Variants in RFLNA observed in about 807,000 individuals in gnomAD.
The protein encoded by RFLNA is refilin-A.
A neutral mutation model predicts 7.8 loss-of-function variants in RFLNA; 5 were observed. The observed-to-expected ratio is 0.64, with a 90% CI of 0.34 to 1.35. RFLNA has a LOEUF of 1.35. Ranked by LOEUF, RFLNA falls within the 40% of genes most tolerant of loss-of-function variation. The pLI is 0.04. For missense variants in RFLNA, 278 were observed against 305.5 expected, an observed-to-expected ratio of 0.91 and a Z score of 0.67; for synonymous variants, 141 against 131.3, an observed-to-expected ratio of 1.07 and a Z score of -0.50.
chr12:124,314,810 C>A lies in RFLNA; in HGVS notation c.*285C>A. ...GCATGCACTGTTAGGTGGTGGCCAC[C>A]CCCAGGGTCAGGGGAAAAGAATGGG... On this transcript the variant is annotated 3_prime_UTR_variant, in exon 3 of 3. Coordinates refer to ENST00000546355, the MANE Select transcript of RFLNA (RefSeq NM_001365156.1). 1 of 632,336 alleles carries A rather than the reference C, an allele frequency of 1.6e-6. No individual in the cohort carries two copies. The highest frequency in any genetic ancestry group is 2.9e-6 in the Non-Finnish European group (1 of 340,654). The allele number at this position is 632,336 out of a possible 1,614,324, so 39.2% of individuals were successfully genotyped here.
chr12:124,315,959 T>A lies in RFLNA; in HGVS notation c.*1434T>A, dbSNP rs1216251612. On this transcript the variant is annotated 3_prime_UTR_variant, in exon 3 of 3. Transcript: ENST00000546355. The stretch of plus-strand genomic sequence containing the variant: ...GAGTGCATTTTCTCTCCAGAGATGC[T>A]GTCTGGTTAACAAAGGAATAACTTA... 6.6e-6 allele frequency: 1 copy of A among 152,274 alleles called. No individual in the cohort carries two copies. Among genetic ancestry groups the A allele is most frequent in the Non-Finnish European group, 1.5e-5 (1 of 68,042 alleles). 9.4% of individuals were successfully genotyped at this position (152,274 alleles called of 1,614,324 possible).
chr12:124,301,515 G>A (rs1422641914), intron 1 of RFLNA, among the ~76,000 whole-genome samples: 1 of 152,142 alleles, frequency 6.6e-6, no homozygotes, highest in African/African-American at 2.4e-5. Flanking sequence ...TGCGGGGCAC[G>A]GTACATGGAC....
chr12:124,290,796 A>G (rs2033813029), upstream of RFLNA, among the ~76,000 whole-genome samples: 1 of 152,148 alleles, frequency 6.6e-6, no homozygotes, highest in Non-Finnish European at 1.5e-5. This position sits in a 1 kb window ranked among gnomAD's most constrained non-coding sequence, Gnocchi z 4.0. Flanking sequence ...CTTATATTTA[A>G]TCTTCATTCA....
chr12:124,291,883 T>G (rs934385330), upstream of RFLNA, among the ~76,000 whole-genome samples: 34 of 152,270 alleles, frequency 2.2e-4, no homozygotes, highest in Middle Eastern at 3.4e-3. Context: ...CCCCAACATG[T>G]GCTCTGAAAA....
chr12:124,292,533 G>C (rs1349979862), upstream of RFLNA, among the ~76,000 whole-genome samples: 2 of 152,226 alleles, frequency 1.3e-5, no homozygotes, highest in Non-Finnish European at 2.9e-5. Flanking sequence ...TCAATTGAGG[G>C]GCGGTCCCCA....
At chr12:124,310,984 C>T (rs1226146023) in intron 1 of RFLNA, among the ~76,000 whole-genome samples, 3 of 152,156 alleles carry the variant, frequency 2.0e-5, no homozygotes, top group East Asian at 1.9e-4. Flanking sequence ...AGGTGTGGCT[C>T]GATCCAGGCA....
intron 2 of RFLNA, among the ~76,000 whole-genome samples, chr12:124,313,444 C>A (rs1446194482): frequency 6.6e-6 from 1 of 152,068 alleles, no homozygotes; most frequent in Non-Finnish European, 1.5e-5. Flanking sequence ...TTTGGGAGGC[C>A]GAGGCGGGCG....
intron 2 of RFLNA, 37 bp downstream of exon 2, chr12:124,311,964 GTGGGGGGT>G: frequency 6.7e-7 from 1 of 1,492,874 alleles, no homozygotes; most frequent in South Asian, 1.3e-5. Flanking sequence ...GGAGGAGGGG[GTGGGGGGT>G]TGGGTGCTGG....
chr12:124,310,493 GGGAGGGGGAGGT>G (rs2034223395), intron 1 of RFLNA, among the ~76,000 whole-genome samples: 1 of 6,310 alleles, frequency 1.6e-4, no homozygotes, highest in Non-Finnish European at 3.1e-4. Context: ...CTGAGCTGTG[GGGAGGGGGAGGT>G]GGACTGCAGG....
In RFLNA at chr12:124,309,655, C is replaced by T. The variant is rs1408180496; in HGVS notation, c.208-2163C>T. On this transcript the variant is annotated intron_variant, in intron 1 of 2. Transcript: ENST00000546355. ...CACCTCCCTGAGCCCTTGGAGCGGG[C>T]ACGTGTAGTTCCAGCAGAGGCCCTA... 2.0e-5 allele frequency among the ~76,000 whole-genome samples: 3 copies of T among 152,352 alleles called. No individual in the cohort carries two copies. The East Asian group carries it at 5.8e-4, about 29-fold the overall frequency.
upstream of RFLNA, among the ~76,000 whole-genome samples, chr12:124,291,247 C>CT (rs2135665930): frequency 6.6e-6 from 1 of 152,188 alleles, no homozygotes; most frequent in African/African-American, 2.4e-5. Context: ...TATGATTTAT[C>CT]TTTTATTTTA....
chr12:124,311,716 G>T, intron 1 of RFLNA, 102 bp from the exon 2 acceptor site: 1 of 1,154,580 alleles, frequency 8.7e-7, no homozygotes, highest in African/African-American at 1.6e-5. Context: ...TCCAGACCAA[G>T]CCAGGGCCAG....
rs1464255085 is a variant in RFLNA at position 124,315,996 on chromosome 12, G to C, written c.*1471G>C. 3 of 152,218 alleles carry C rather than the reference G, an allele frequency of 2.0e-5. No individual in the cohort carries two copies. The highest frequency in any genetic ancestry group is 3.9e-4 in the East Asian group (2 of 5,192). The allele number at this position is 152,218 out of a possible 1,614,324, so 9.4% of individuals were successfully genotyped here. A position where few individuals can be genotyped will look rare whatever the true frequency, so the allele number is the denominator to read the frequency against. On this transcript the variant is annotated 3_prime_UTR_variant, in exon 3 of 3. Coordinates refer to ENST00000546355, the MANE Select transcript of RFLNA (RefSeq NM_001365156.1). ...AAAGGAATAACTTAAGAAATTGATT[G>C]ATTATCTTAATAAACTGTGCAAACC...
intron 1 of RFLNA, among the ~76,000 whole-genome samples, chr12:124,296,143 TCTC>T (rs1179296966): frequency 2.7e-4 from 1 of 3,770 alleles, no homozygotes; most frequent in African/African-American, 4.2e-4. Context: ...TCTCTCTTCT[TCTC>T]TTCTCTTCTC....
chr12:124,302,341 C>T (rs76893031), intron 1 of RFLNA, among the ~76,000 whole-genome samples: 1 of 152,184 alleles, frequency 6.6e-6, no homozygotes, highest in African/African-American at 2.4e-5. Context: ...CGAGCTGCGA[C>T]GTTCGAGTTT....
Position 124,314,952 on chromosome 12 carries a change from C to A in RFLNA, c.*427C>A. The A allele has an allele frequency of 8.6e-6, 3 of 348,860 alleles. No individual in the cohort carries two copies. The highest frequency in any genetic ancestry group is 1.7e-5 in the Non-Finnish European group (3 of 177,624). The allele number at this position is 348,860 out of a possible 1,614,324, so 21.6% of individuals were successfully genotyped here. A position where few individuals can be genotyped will look rare whatever the true frequency, so the allele number is the denominator to read the frequency against. On this transcript the variant is annotated 3_prime_UTR_variant, in exon 3 of 3. Transcript: ENST00000546355. ...CCCAGAGCCCTGCCACCCCATGTGT[C>A]CTAGGCTGGTGGCCAAGGCCATGTG... is the stretch of plus-strand genomic sequence containing the variant.
chr12:124,294,267 T>C (rs1534389), upstream of RFLNA, among the ~76,000 whole-genome samples: 149,350 of 152,230 alleles, frequency 0.98, 73,331 homozygotes, highest in Middle Eastern at 1. Flanking sequence ...TCTACCTCTG[T>C]TCTCTTCGCC....
At chr12:124,298,956 T>C (rs189708423) in intron 1 of RFLNA, among the ~76,000 whole-genome samples, 62 of 152,338 alleles carry the variant, frequency 4.1e-4, no homozygotes, top group African/African-American at 1.4e-3. Flanking sequence ...CTTATGCATG[T>C]AACCAAATGC....
intron 1 of RFLNA, among the ~76,000 whole-genome samples, chr12:124,299,344 T>A (rs951645081): frequency 2.0e-5 from 3 of 152,266 alleles, no homozygotes; most frequent in African/African-American, 4.8e-5. Context: ...ACAGTTTTTT[T>A]AAATTTATTT....
Sources: gnomAD v4.1 joint callset for allele counts (sites outside exome capture counted in the v4.1 genomes callset) on GRCh38, gnomAD v4.1.1 for gene constraint, Gnocchi (gnomAD v3.1) non-coding constraint, MANE v1.5 for transcripts, NCBI Gene and HGNC (gene_info 2026-07-23, HGNC 2026-07-21) for gene names.